STRN3: variants seen among roughly 807,000 people sequenced by gnomAD.
STRN3 encodes striatin 3.
Under a neutral mutation model 95.6 loss-of-function variants are expected in STRN3, and 29 were observed. The ratio of observed to expected loss-of-function variants is 0.30; its 90% CI spans 0.23 to 0.41. The LOEUF (loss-of-function observed/expected upper bound fraction) is 0.41, where lower values mean the gene tolerates loss of function less well. STRN3 is among the 10% of genes least tolerant of loss of function. STRN3 has a pLI of 1.00. For synonymous variants in STRN3, 331 were observed against 357.6 expected (o/e 0.93, Z 0.84); for missense variants, 890 against 972.1 (o/e 0.92, Z 1.12).
intron 1 of STRN3, among the ~76,000 whole-genome samples, chr14:31,008,306 C>T (rs1216317099): frequency 1.3e-5 from 2 of 151,884 alleles, no homozygotes; most frequent in African/African-American, 4.8e-5. Flanking sequence ...GTCAGGAGTT[C>T]AAGACCAGCC....
chr14:31,023,101 A>G (rs558488646), intron 1 of STRN3, among the ~76,000 whole-genome samples: 26 of 152,326 alleles, frequency 1.7e-4, no homozygotes, highest in African/African-American at 6.0e-4. Context: ...ACAAAAAAGA[A>G]AAGTGTAGTG....
chr14:31,002,990 A>C (rs1208063058), intron 1 of STRN3, among the ~76,000 whole-genome samples: 1 of 152,142 alleles, frequency 6.6e-6, no homozygotes, highest in Non-Finnish European at 1.5e-5. Context: ...GAGGCCGGGC[A>C]CGGTGGCTCA....
At position 30,895,069 on chromosome 14, in the gene STRN3, AAAAAAAAAAAGAAG is replaced by A. The variant is rs1896099773; in HGVS notation, c.*328_*341del. On this transcript the variant is annotated 3_prime_UTR_variant, in exon 18 of 18. Transcript: ENST00000357479. ...CACAGAGTCCAAAAAAAAAAAAAAA[AAAAAAAAAAAGAAG>A]AAGAAGAAGAGAAAAAAAAAAACTT... 4.6e-6 allele frequency: 1 copy of A among 217,238 alleles called. No individual in the cohort carries two copies. Among genetic ancestry groups the A allele is most frequent in the Non-Finnish European group, 8.2e-6 (1 of 121,232 alleles). 13.5% of individuals were successfully genotyped at this position (217,238 alleles called of 1,614,324 possible).
chr14:30,947,396 C>T (rs897405476), intron 4 of STRN3, 133 bp from the exon 5 acceptor site: 18 of 652,714 alleles, frequency 2.8e-5, no homozygotes, highest in Non-Finnish European at 3.6e-5. Flanking sequence ...TTCTTCTCTA[C>T]AGACTAGTTC....
intron 1 of STRN3, among the ~76,000 whole-genome samples, chr14:30,973,655 G>A (rs1007794352): frequency 6.6e-6 from 1 of 152,118 alleles, no homozygotes; most frequent in Non-Finnish European, 1.5e-5. Context: ...ACCAAAGGCA[G>A]ACAAAGACAC....
At chr14:30,993,317 C>A (rs1035846635) in intron 1 of STRN3, among the ~76,000 whole-genome samples, 3 of 150,308 alleles carry the variant, frequency 2.0e-5, no homozygotes, top group Admixed American at 2.0e-4. Flanking sequence ...TCAGTAAGTA[C>A]TGGATTTACC....
intron 7 of STRN3, among the ~76,000 whole-genome samples, chr14:30,934,634 A>G (rs1878726960): frequency 1.3e-5 from 2 of 152,326 alleles, no homozygotes; most frequent in African/African-American, 4.8e-5. Flanking sequence ...TATTATAGGC[A>G]ATAAAGTTTA....
intron 3 of STRN3, 35 bp from the exon 4 acceptor site, chr14:30,950,979 T>C (rs1231994558): frequency 1.9e-6 from 3 of 1,561,554 alleles, no homozygotes; most frequent in South Asian, 1.2e-5. Context: ...TTACATACTT[T>C]ATTTCGACTC....
intron 1 of STRN3, among the ~76,000 whole-genome samples, chr14:30,962,172 T>C (rs1343494914): frequency 6.6e-6 from 1 of 151,964 alleles, no homozygotes; most frequent in Non-Finnish European, 1.5e-5. Context: ...ACAAAAAAAG[T>C]TTAAAAAGTA....
chr14:30,908,342 TACC>T (rs1182296963), intron 13 of STRN3, among the ~76,000 whole-genome samples: 4 of 152,166 alleles, frequency 2.6e-5, no homozygotes, highest in African/African-American at 7.2e-5. Context: ...CTGATACCAC[TACC>T]ACACCAAAAC....
chr14:30,955,131 A>G (rs937271916), intron 3 of STRN3, among the ~76,000 whole-genome samples: 1 of 152,188 alleles, frequency 6.6e-6, no homozygotes, highest in African/African-American at 2.4e-5. Flanking sequence ...AGCCAGGTCA[A>G]AGAAAACCTA....
At chr14:30,995,309 G>A (rs1882146491) in intron 1 of STRN3, among the ~76,000 whole-genome samples, 1 of 151,944 alleles carries the variant, frequency 6.6e-6, no homozygotes, top group Non-Finnish European at 1.5e-5. Flanking sequence ...GCAGCAAGAT[G>A]GCTATAAAGG....
chr14:30,963,741 A>G (rs774727956), intron 1 of STRN3, among the ~76,000 whole-genome samples: 6 of 152,216 alleles, frequency 3.9e-5, no homozygotes, highest in Non-Finnish European at 5.9e-5. Flanking sequence ...GACAGATATC[A>G]AAGTTTCTTC....
chr14:30,896,337 T>C (rs1896148350), intron 16 of STRN3, among the ~76,000 whole-genome samples: 2 of 152,112 alleles, frequency 1.3e-5, no homozygotes, highest in Non-Finnish European at 2.9e-5. Flanking sequence ...TCGTGTAAAC[T>C]GGAATTAAAT....
At chr14:30,948,932 G>A (rs1879500278) in intron 4 of STRN3, among the ~76,000 whole-genome samples, 1 of 152,212 alleles carries the variant, frequency 6.6e-6, no homozygotes, top group African/African-American at 2.4e-5. Flanking sequence ...TGAATGAACT[G>A]CCAAGATCTC....
chr14:30,909,483 GA>G (rs1312937067), intron 13 of STRN3, among the ~76,000 whole-genome samples: 3 of 124,448 alleles, frequency 2.4e-5, no homozygotes, highest in African/African-American at 6.1e-5. Flanking sequence ...AAAAAAGAAA[GA>G]GAGAGAGAGA....
At chr14:30,929,967 A>AAAAAAACAAAAAAAAAAAAAC (rs1878429818) in intron 7 of STRN3, among the ~76,000 whole-genome samples, 2 of 91,122 alleles carry the variant, frequency 2.2e-5, no homozygotes, top group African/African-American at 7.7e-5. Flanking sequence ...AAAAAAAAAA[A>AAAAAAACAAAAAAAAAAAAAC]AAAAAAAAAA....
chr14:31,018,176 G>T (rs1164852774), intron 1 of STRN3, among the ~76,000 whole-genome samples: 3 of 151,794 alleles, frequency 2.0e-5, no homozygotes, highest in African/African-American at 7.3e-5. Context: ...CAGGTCATGG[G>T]TAAAGAGTCT....
chr14:30,929,877 A>T (rs1878394752), intron 7 of STRN3, among the ~76,000 whole-genome samples: 1 of 140,608 alleles, frequency 7.1e-6, no homozygotes, highest in Non-Finnish European at 1.5e-5. Flanking sequence ...AAGCATTCAG[A>T]GTCCCACCTC....
Sources: allele counts gnomAD v4.1 joint callset (sites outside exome capture counted in the v4.1 genomes callset), GRCh38; gene constraint gnomAD v4.1.1; transcripts MANE v1.5; gene names NCBI Gene and HGNC (gene_info 2026-07-23, HGNC 2026-07-21).